The following APOBEC4 variants were observed in gnomAD, a reference collection of about 807,000 sequenced individuals.
APOBEC4 encodes putative deaminase APOBEC-4.
For synonymous variants in APOBEC4, 141 were observed against 154.2 expected, an observed-to-expected ratio of 0.91 and a Z score of 0.63; for missense variants, 375 against 441.2, an observed-to-expected ratio of 0.85 and a Z score of 1.34.
In APOBEC4 at chr1:183,647,437, T is replaced by C; in HGVS notation, c.*241A>G. 2 of 424,034 alleles carry C rather than the reference T, an allele frequency of 4.7e-6. No homozygotes were observed. The highest frequency in any genetic ancestry group is 7.7e-6 in the Non-Finnish European group (2 of 259,746). The allele number at this position is 424,034 out of a possible 1,614,324, so 26.3% of individuals were successfully genotyped here. A position where few individuals can be genotyped will look rare whatever the true frequency, so the allele number is the denominator to read the frequency against. ...TATTAGCAAGCTGCTAATGGTTCCA[T>C]TTTGATACTGCCACTTTCAAAATAA... is the stretch of plus-strand genomic sequence containing the variant. On this transcript the variant is annotated 3_prime_UTR_variant, in exon 2 of 2. Coordinates refer to ENST00000308641, the MANE Select transcript of APOBEC4 (RefSeq NM_203454.3).
chr1:183,650,498 C>A (rs905812053), intron 1 of APOBEC4, among the ~76,000 whole-genome samples: 1 of 152,036 alleles, frequency 6.6e-6, no homozygotes, highest in South Asian at 2.1e-4. Flanking sequence ...AGCCAACATC[C>A]CACCACTGCA....
In APOBEC4 at chr1:183,648,729, G is replaced by A. The variant is rs770802488; in HGVS notation, c.53C>T (p.Pro18Leu). 1 of 1,613,818 alleles carries A rather than the reference G, an allele frequency of 6.2e-7. No homozygotes were observed. Among genetic ancestry groups the A allele is most frequent in the African/African-American group, 1.3e-5 (1 of 75,014 alleles). ...YLANHGTIVKPYYWLSFSLDC... is the reference protein window; with the variant it reads ...YLANHGTIVKLYYWLSFSLDC... Reference sequence around the variant, plus strand: ...GAGAGAGAAGCTTAGCCAGTAATATGGTTTTACTATTGTTCCATGATTTGC... The same window carrying A: ...GAGAGAGAAGCTTAGCCAGTAATATAGTTTTACTATTGTTCCATGATTTGC... Residue 18 changes from proline (P) to leucine (L), a missense_variant, in exon 2 of 2, where the codon CCA (proline) becomes CTA (leucine). Pro to Leu is a moderately conservative substitution (Grantham distance 98, BLOSUM62 -3). Transcript: ENST00000308641.
At chr1:183,650,708 A>T (rs954294258) in intron 1 of APOBEC4, among the ~76,000 whole-genome samples, 9 of 144,636 alleles carry the variant, frequency 6.2e-5, no homozygotes, top group Admixed American at 2.1e-4. Context: ...AAAGAATCAG[A>T]TTTTTTTTTT....
In APOBEC4 at chr1:183,648,040, T is replaced by G; in HGVS notation, c.742A>C (p.Arg248=). Residue 248 remains arginine (R), a synonymous_variant, in exon 2 of 2, where the codon AGG becomes CGG. Transcript: ENST00000308641. ...TCCTGAGCTTTTGTGTTTGGATTCC[T>G]TTTTGTCTGGAGAAGAACATCAGTG... is the stretch of plus-strand genomic sequence containing the variant. ...YFTDVLLQTK[R]NPNTKAQEAL... is the part of the protein sequence containing the mutation. The G allele has an allele frequency of 1.2e-6, 2 of 1,614,232 alleles. No homozygotes were observed. Among genetic ancestry groups the G allele is most frequent in the Non-Finnish European group, 1.7e-6 (2 of 1,180,032 alleles).
intron 1 of APOBEC4, among the ~76,000 whole-genome samples, chr1:183,651,989 T>C (rs2102001220): frequency 6.6e-6 from 1 of 152,348 alleles, no homozygotes; most frequent in East Asian, 1.9e-4. Flanking sequence ...GACTTATGGG[T>C]GGTACACCGG....
Position 183,647,755 on chromosome 1 carries a change from C to T in APOBEC4, c.1027G>A (p.Glu343Lys). Residue 343 changes from glutamate (E) to lysine (K), a missense_variant, in exon 2 of 2, where the codon GAG becomes AAG. Coordinates refer to ENST00000308641, the MANE Select transcript of APOBEC4 (RefSeq NM_203454.3). Reference protein sequence around the residue: ...LGRLPTGRSVEIVEITEQFAS... With the variant: ...LGRLPTGRSVKIVEITEQFAS... The stretch of plus-strand genomic sequence containing the variant: ...AACTGTTCTGTGATTTCCACTATCT[C>T]CACTGACCTTCCAGTGGGAAGCCTT... The T allele has an allele frequency of 6.2e-7, 1 of 1,614,176 alleles. No individual in the cohort carries two copies. Among genetic ancestry groups the T allele is most frequent in the South Asian group, 1.1e-5 (1 of 91,082 alleles).
At chr1:183,649,018 T>A (rs1296384538) in intron 1 of APOBEC4, among the ~76,000 whole-genome samples, 2 of 152,252 alleles carry the variant, frequency 1.3e-5, no homozygotes, top group Admixed American at 6.5e-5. Flanking sequence ...GTTCTTCAAC[T>A]TTACCTGTTT....
chr1:183,650,140 C>A (rs1650612952), intron 1 of APOBEC4, among the ~76,000 whole-genome samples: 2 of 152,146 alleles, frequency 1.3e-5, no homozygotes, highest in Admixed American at 6.5e-5. Flanking sequence ...TGTCTATTCC[C>A]TCCAGTCTTT....
In APOBEC4 at chr1:183,653,130, CCT is replaced by C. The variant is rs1558135059; in HGVS notation, c.-91_-90del. 2 of 151,980 alleles carry C rather than the reference CCT, an allele frequency of 1.3e-5. No homozygotes were observed. Among genetic ancestry groups the C allele is most frequent in the Non-Finnish European group, 2.9e-5 (2 of 68,066 alleles). 9.4% of individuals were successfully genotyped at this position (151,980 alleles called of 1,614,324 possible). A position where few individuals can be genotyped will look rare whatever the true frequency, so the allele number is the denominator to read the frequency against. On this transcript the variant is annotated 5_prime_UTR_variant, in exon 1 of 2. The change abolishes the stop of an existing upstream ORF in the 5' untranslated region. Transcript: ENST00000308641. ...AGGTGTTAGAAGAGATGGTCCATTTCCTTTTTTTTCTCCTTTAAGTCCCATGC... is the reference window on the plus strand; with the variant it reads ...AGGTGTTAGAAGAGATGGTCCATTTCTTTTTTTCTCCTTTAAGTCCCATGC...
chr1:183,649,926 C>G (rs1650595101), intron 1 of APOBEC4, among the ~76,000 whole-genome samples: 1 of 152,166 alleles, frequency 6.6e-6, no homozygotes, highest in Admixed American at 6.5e-5. Context: ...ATCCTCCTGC[C>G]TCAGCCTCCC....
rs1444403989 is a variant in APOBEC4, at chr1:183,647,568, A to G, written c.*110T>C. The stretch of plus-strand genomic sequence containing the variant: ...ATAATTCAAGGTTTGCTTTTAGTGC[A>G]TCAGTTTATCTCCATCTTGGCTCAG... On this transcript the variant is annotated 3_prime_UTR_variant, in exon 2 of 2. Transcript: ENST00000308641. 11 of 1,451,752 alleles carry G rather than the reference A, an allele frequency of 7.6e-6. No individual in the cohort carries two copies. The highest frequency in any genetic ancestry group is 1.0e-5 in the Non-Finnish European group (11 of 1,100,826). 89.9% of individuals were successfully genotyped at this position (1,451,752 alleles called of 1,614,324 possible). A position where few individuals can be genotyped will look rare whatever the true frequency, so the allele number is the denominator to read the frequency against.
rs139768338 is a variant in APOBEC4, at chr1:183,650,658, G to A, written c.-30-1847C>T. Among the ~76,000 whole-genome samples the A allele has an allele frequency of 6.6e-5, 10 of 151,002 alleles. No homozygotes were observed. The East Asian group carries it at 1.9e-3, about 29-fold the overall frequency. ...ATAACACTTTGATAAATATTTCTGT[G>A]AGAAATTATCTATTGCATATATTAT... On this transcript the variant is annotated intron_variant, in intron 1 of 1. Transcript: ENST00000308641.
In APOBEC4 at chr1:183,648,285, G is replaced by A; in HGVS notation, c.497C>T (p.Ala166Val). The A allele has an allele frequency of 6.2e-7, 1 of 1,614,178 alleles. No individual in the cohort carries two copies. Among genetic ancestry groups the A allele is most frequent in the Admixed American group, 1.7e-5 (1 of 60,012 alleles). ...GAGAGCTTCGCGGTTCCATGCTGAG[G>A]CAGGAAAGTCCATCTCAGTATGATA... Reference protein sequence around the residue: ...QLYHTEMDFPASAWNREALRS... With the variant: ...QLYHTEMDFPVSAWNREALRS... Residue 166 changes from alanine to valine, a missense_variant, in exon 2 of 2, where the codon GCC (alanine) becomes GTC (valine). Ala to Val is a moderately conservative substitution (Grantham distance 64). Transcript: ENST00000308641.
Position 183,652,605 on chromosome 1 carries a change from A to G in APOBEC4, c.-31+467T>C, listed in dbSNP as rs561255886. On this transcript the variant is annotated intron_variant, in intron 1 of 1. Transcript: ENST00000308641. The stretch of plus-strand genomic sequence containing the variant: ...GGTATCTGTCATTTTATTCTCCCCA[A>G]CCAGGTGGAAATGTACCCTGTTTAG... 6.6e-5 allele frequency among the ~76,000 whole-genome samples: 10 copies of G among 152,290 alleles called. No homozygotes were observed. The South Asian group carries it at 2.1e-3, about 32-fold the overall frequency.
chr1:183,646,620 G>T lies in APOBEC4; in HGVS notation c.*1058C>A, dbSNP rs1650310953. On this transcript the variant is annotated 3_prime_UTR_variant, in exon 2 of 2. Coordinates refer to ENST00000308641, the MANE Select transcript of APOBEC4 (RefSeq NM_203454.3). The stretch of plus-strand genomic sequence containing the variant: ...TGTGTTTTGAAGATTTTAAGAGAAG[G>T]TACAAATATTCACTGGTGACGAGGA... 6.6e-6 allele frequency: 1 copy of T among 152,146 alleles called. No homozygotes were observed. The highest frequency in any genetic ancestry group is 1.5e-5 in the Non-Finnish European group (1 of 68,024). The allele number at this position is 152,146 out of a possible 1,614,324, so 9.4% of individuals were successfully genotyped here.
chr1:183,652,032 A>T (rs1650795350), intron 1 of APOBEC4, among the ~76,000 whole-genome samples: 1 of 152,154 alleles, frequency 6.6e-6, no homozygotes, highest in South Asian at 2.1e-4. Context: ...TACAATTTCA[A>T]CTCACCCATA....
chr1:183,653,161 G>A lies in APOBEC4; in HGVS notation c.-120C>T, dbSNP rs1650893982. ...TTTTCTCCTTTAAGTCCCATGCCCT[G>A]TTTCAAGTAGCTTCAGAAGGCAATT... On this transcript the variant is annotated 5_prime_UTR_variant, in exon 1 of 2. Transcript: ENST00000308641. 1 of 152,180 alleles carries A rather than the reference G, an allele frequency of 6.6e-6. No individual in the cohort carries two copies. The allele number at this position is 152,180 out of a possible 1,614,324, so 9.4% of individuals were successfully genotyped here. A position where few individuals can be genotyped will look rare whatever the true frequency, so the allele number is the denominator to read the frequency against.
chr1:183,647,647 T>G lies in APOBEC4; in HGVS notation c.*31A>C. On this transcript the variant is annotated 3_prime_UTR_variant, in exon 2 of 2. Transcript: ENST00000308641. Reference sequence around the variant, plus strand: ...ATTGCCTATCTAATAAGTCCCTTGGTAATTGGTTTCATGCTGTAGGAATGT... The same window carrying G: ...ATTGCCTATCTAATAAGTCCCTTGGGAATTGGTTTCATGCTGTAGGAATGT... 1 of 1,546,844 alleles carries G rather than the reference T, an allele frequency of 6.5e-7. No homozygotes were observed. Among genetic ancestry groups the G allele is most frequent in the South Asian group, 1.2e-5 (1 of 81,160 alleles).
chr1:183,646,351 C>T lies in APOBEC4; in HGVS notation c.*1327G>A, dbSNP rs1223449642. 2 of 151,996 alleles carry T rather than the reference C, an allele frequency of 1.3e-5. No individual in the cohort carries two copies. Among genetic ancestry groups the T allele is most frequent in the Non-Finnish European group, 1.5e-5 (1 of 68,004 alleles). The allele number at this position is 151,996 out of a possible 1,614,324, so 9.4% of individuals were successfully genotyped here. A position where few individuals can be genotyped will look rare whatever the true frequency, so the allele number is the denominator to read the frequency against. On this transcript the variant is annotated 3_prime_UTR_variant, in exon 2 of 2. Coordinates refer to ENST00000308641, the MANE Select transcript of APOBEC4 (RefSeq NM_203454.3). The stretch of plus-strand genomic sequence containing the variant: ...ATTCCTAAAATATGTTTTTCTTTCT[C>T]CTCCTCCCTTATGGAGTATTAAATG...
Sources: allele counts gnomAD v4.1 joint callset (sites outside exome capture counted in the v4.1 genomes callset), GRCh38; gene constraint gnomAD v4.1.1; transcripts MANE v1.5; gene names NCBI Gene and HGNC (gene_info 2026-07-23, HGNC 2026-07-21).